Variants in MGLL observed in about 807,000 individuals in gnomAD.
MGLL encodes the protein monoglyceride lipase, also known as lysophospholipase homolog.
In MGLL, 7 loss-of-function variants were observed where a neutral mutation model predicts 29.1. That is an observed-to-expected ratio of 0.24 (90% CI 0.14 to 0.45). The LOEUF (loss-of-function observed/expected upper bound fraction) is 0.45, where lower values mean the gene tolerates loss of function less well. Ranked by LOEUF, MGLL falls within the 20% of genes least tolerant of loss-of-function variation. The probability of loss-of-function intolerance (pLI) is 0.99; values close to 1 mark genes in which losing one functional copy is unlikely to be tolerated. For synonymous variants in MGLL, 148 were observed against 168.3 expected (o/e 0.88, Z 0.93); for missense variants, 356 against 413.6 (o/e 0.86, Z 1.21).
At chr3:127,692,344 G>C in intron 7 of MGLL, 21 bp from the exon 8 acceptor site, 1 of 1,613,870 alleles carries the variant, frequency 6.2e-7, no homozygotes, top group East Asian at 2.2e-5. Flanking sequence ...GAGAGACACG[G>C]AATCAGAGCT....
At chr3:127,703,722 C>G (rs2075544175) in intron 6 of MGLL, among the ~76,000 whole-genome samples, 1 of 152,116 alleles carries the variant, frequency 6.6e-6, no homozygotes. Context: ...AGAAAAAAAC[C>G]CTTATGCTTC....
chr3:127,699,962 A>G (rs1032901727), intron 6 of MGLL, among the ~76,000 whole-genome samples: 4 of 152,112 alleles, frequency 2.6e-5, no homozygotes, highest in African/African-American at 9.7e-5. Flanking sequence ...ATCCCTGTAG[A>G]TCTGTCCACA....
chr3:127,775,729 C>G (rs943108766), intron 3 of MGLL, among the ~76,000 whole-genome samples: 9 of 152,236 alleles, frequency 5.9e-5, no homozygotes, highest in African/African-American at 2.2e-4. Context: ...GCAAGTGCTC[C>G]TGGAGCCGAG....
At chr3:127,777,000 T>A (rs778338643) in intron 3 of MGLL, among the ~76,000 whole-genome samples, 32 of 151,790 alleles carry the variant, frequency 2.1e-4, no homozygotes, top group Non-Finnish European at 4.1e-4. Flanking sequence ...CCACGCAGGA[T>A]AATACATGCT....
chr3:127,820,865 A>G (rs532121154), intron 2 of MGLL, among the ~76,000 whole-genome samples: 2 of 152,340 alleles, frequency 1.3e-5, no homozygotes, highest in African/African-American at 2.4e-5. Context: ...CCTGGATCAT[A>G]GATACCTTGA....
In MGLL at chr3:127,692,330, T is replaced by C. The variant is rs866173564; in HGVS notation, c.817-7A>G. Reference sequence around the variant, plus strand: ...GGTAGGCACCTTCATAAATCTGCAATGAGGAGAGACACGGAATCAGAGCTG... The same window carrying C: ...GGTAGGCACCTTCATAAATCTGCAACGAGGAGAGACACGGAATCAGAGCTG... On this transcript the variant is annotated splice_region_variant and splice_polypyrimidine_tract_variant and intron_variant, in intron 7 of 7. Coordinates refer to ENST00000265052, the MANE Select transcript of MGLL (RefSeq NM_007283.7). The C allele has an allele frequency of 1.2e-6, 2 of 1,613,896 alleles. No individual in the cohort carries two copies. The highest frequency in any genetic ancestry group is 2.2e-5 in the East Asian group (1 of 44,878).
chr3:127,692,905 G>A (rs1452881678), intron 7 of MGLL, among the ~76,000 whole-genome samples: 6 of 152,180 alleles, frequency 3.9e-5, no homozygotes, highest in Non-Finnish European at 7.3e-5. Flanking sequence ...CCCACCCACT[G>A]GCCTCTGCAG....
Position 127,722,412 on chromosome 3 carries a change from C to T in MGLL, c.399+18G>A. 1 of 1,614,136 alleles carries T rather than the reference C, an allele frequency of 6.2e-7. No homozygotes were observed. The highest frequency in any genetic ancestry group is 1.3e-5 in the African/African-American group (1 of 75,062). On this transcript the variant is annotated intron_variant, in intron 4 of 7. Coordinates refer to ENST00000265052, the MANE Select transcript of MGLL (RefSeq NM_007283.7). Reference sequence around the variant, plus strand: ...AAGCCAGGGTGGATTTAACCTGGGTCTTCTGTGGTCTGCTTACCATGGAGT... The same window carrying T: ...AAGCCAGGGTGGATTTAACCTGGGTTTTCTGTGGTCTGCTTACCATGGAGT...
intron 2 of MGLL, among the ~76,000 whole-genome samples, chr3:127,814,275 C>T (rs1443550877): frequency 6.6e-6 from 1 of 152,170 alleles, no homozygotes; most frequent in Non-Finnish European, 1.5e-5. Context: ...TCTTATAGCC[C>T]TCAAACACAC....
chr3:127,763,126 C>A (rs2076794325), intron 3 of MGLL, among the ~76,000 whole-genome samples: 1 of 152,216 alleles, frequency 6.6e-6, no homozygotes, highest in South Asian at 2.1e-4. Flanking sequence ...CAACAACCAC[C>A]ATGCAAGGTC....
chr3:127,822,226 A>C (rs2077874729), intron 1 of MGLL, 83 bp downstream of exon 1: 2 of 1,471,932 alleles, frequency 1.4e-6, no homozygotes, highest in African/African-American at 2.8e-5. Context: ...TCTCCAAGGA[A>C]CAGTTTCAAG....
chr3:127,792,316 A>C (rs1215414242), intron 2 of MGLL, among the ~76,000 whole-genome samples: 1 of 152,238 alleles, frequency 6.6e-6, no homozygotes, highest in Non-Finnish European at 1.5e-5. Context: ...AGGCTGGAGT[A>C]ATGGCAAAGG....
At chr3:127,759,346 C>T (rs907242133) in intron 3 of MGLL, among the ~76,000 whole-genome samples, 2 of 152,186 alleles carry the variant, frequency 1.3e-5, no homozygotes, top group African/African-American at 4.8e-5. Context: ...GTGACCCTGG[C>T]TAACATCTCC....
chr3:127,786,459 G>C (rs1418565909), intron 2 of MGLL, among the ~76,000 whole-genome samples: 3 of 152,260 alleles, frequency 2.0e-5, no homozygotes, highest in African/African-American at 7.2e-5. Context: ...GCTGCAGCCA[G>C]TTGGGAGCCA....
chr3:127,763,719 C>T (rs2076806293), intron 3 of MGLL, among the ~76,000 whole-genome samples: 1 of 152,186 alleles, frequency 6.6e-6, no homozygotes, highest in African/African-American at 2.4e-5. Context: ...GCTGAGCTTC[C>T]TTCCTTCCCC....
At chr3:127,745,959 A>G (rs1324867714) in intron 3 of MGLL, among the ~76,000 whole-genome samples, 1 of 152,218 alleles carries the variant, frequency 6.6e-6, no homozygotes, top group Non-Finnish European at 1.5e-5. Flanking sequence ...TTTGTGCACC[A>G]TGTTAACAAA....
At chr3:127,723,931 G>A (rs926623019) in intron 3 of MGLL, among the ~76,000 whole-genome samples, 1 of 152,130 alleles carries the variant, frequency 6.6e-6, no homozygotes, top group African/African-American at 2.4e-5. Context: ...AGGTCCTTAG[G>A]GTGGGCCCTA....
At chr3:127,743,386 G>A (rs2076381012) in intron 3 of MGLL, among the ~76,000 whole-genome samples, 1 of 151,966 alleles carries the variant, frequency 6.6e-6, no homozygotes, top group Non-Finnish European at 1.5e-5. Context: ...TGAAAGCCTG[G>A]TTTGTTTTCT....
In MGLL at chr3:127,781,770, G is replaced by A. The variant is rs770819835; in HGVS notation, c.262+19C>T. The A allele has an allele frequency of 2.4e-5, 38 of 1,610,408 alleles. No homozygotes were observed. Among genetic ancestry groups the A allele is most frequent in the Middle Eastern group, 1.7e-4 (1 of 6,060 alleles). ...TTGTCAGGGCCCAGCCAGCTCTGAC[G>A]GCACCCTGGGACACTCACCATGGTC... is the stretch of plus-strand genomic sequence containing the variant. On this transcript the variant is annotated intron_variant, in intron 3 of 7. Transcript: ENST00000265052.
Sources: allele counts gnomAD v4.1 joint callset (sites outside exome capture counted in the v4.1 genomes callset), GRCh38; gene constraint gnomAD v4.1.1; transcripts MANE v1.5; gene names NCBI Gene and HGNC (gene_info 2026-07-23, HGNC 2026-07-21).